HSPG2: variants seen among roughly 807,000 people sequenced by gnomAD.
HSPG2 encodes the protein basement membrane-specific heparan sulfate proteoglycan core protein.
A neutral mutation model predicts 526.6 loss-of-function variants in HSPG2; 278 were observed. The observed-to-expected ratio is 0.53, with a 90% CI of 0.48 to 0.58. HSPG2 has a LOEUF of 0.58. Among genes scored for constraint, HSPG2 ranks in the 20% least tolerant of loss-of-function variants. The probability of loss-of-function intolerance (pLI) is 0.00; values close to 1 mark genes in which losing one functional copy is unlikely to be tolerated. For missense variants in HSPG2, 5,354 were observed against 6,099.5 expected (o/e 0.88, Z 4.07); for synonymous variants, 2,465 against 2,555.4 (o/e 0.96, Z 1.07).
chr1:21,934,070 C>T (rs540859197), intron 1 of HSPG2, among the ~76,000 whole-genome samples: 1 of 152,222 alleles, frequency 6.6e-6, no homozygotes, highest in African/African-American at 2.4e-5. Context: ...CAAGGCCTGC[C>T]GAGTCACCCA....
In HSPG2 at chr1:21,850,376, C is replaced by T. The variant is rs760565542; in HGVS notation, c.7281G>A (p.Ala2427=). The T allele has an allele frequency of 1.4e-5, 22 of 1,608,300 alleles. No homozygotes were observed. Among genetic ancestry groups the T allele is most frequent in the South Asian group, 1.1e-4 (10 of 90,278 alleles). Residue 2427 remains alanine (A), a synonymous_variant, in exon 56 of 97, where the codon GCG becomes GCA. Transcript: ENST00000374695. ...EASVLVTIEP[A]GSVPALGVTP... is the part of the protein sequence containing the mutation. The stretch of plus-strand genomic sequence containing the variant: ...AGAGCTACTCACCAGGCACTGAGCC[C>T]GCAGGCTCAATGGTGACCAGGACAG...
chr1:21,833,061 T>TG, intron 80 of HSPG2: 1 of 634,398 alleles, frequency 1.6e-6, no homozygotes, highest in Non-Finnish European at 2.9e-6. Flanking sequence ...GCTGGAGATA[T>TG]CACAGAGGCA....
Position 21,847,331 on chromosome 1 carries a change from G to A in HSPG2, c.8164+23C>T, listed in dbSNP as rs368235058. 6.4e-5 allele frequency: 104 copies of A among 1,613,408 alleles called. No individual in the cohort carries two copies. Among genetic ancestry groups the A allele is most frequent in the East Asian group, 8.9e-5 (4 of 44,892 alleles). On this transcript the variant is annotated intron_variant, in intron 62 of 96. Coordinates refer to ENST00000374695, the MANE Select transcript of HSPG2 (RefSeq NM_005529.7). This position sits in a 1 kb window ranked among gnomAD's most constrained non-coding sequence, Gnocchi z 4.1. ...GGGAACACTGTTGCCTGCATCCCTC[G>A]TCCCTTTCCTAGGCAGACTCACCGG...
chr1:21,872,893 C>G lies in HSPG2; in HGVS notation c.3888+104G>C. ...CCTGCCCTGTCCCCCATGCCCTGCC[C>G]CCCATGCCCAGGTCTCGGCTTCCAC... On this transcript the variant is annotated intron_variant, in intron 31 of 96. Transcript: ENST00000374695. This position sits in a 1 kb window ranked among gnomAD's most constrained non-coding sequence, Gnocchi z 5.5. The G allele has an allele frequency of 6.5e-7, 1 of 1,535,788 alleles. No homozygotes were observed. Among genetic ancestry groups the G allele is most frequent in the Non-Finnish European group, 9.0e-7 (1 of 1,110,092 alleles).
chr1:21,872,083 C>T lies in HSPG2; in HGVS notation c.4221+103G>A, dbSNP rs371065630. 1.9e-5 allele frequency: 24 copies of T among 1,294,408 alleles called. No individual in the cohort carries two copies. The highest frequency in any genetic ancestry group is 4.6e-4 in the Middle Eastern group (2 of 4,382). The allele number at this position is 1,294,408 out of a possible 1,614,324, so 80.2% of individuals were successfully genotyped here. ...ACTGCAAAAGCCACGTGCCTAACCA[C>T]GATATGGCCATGCAGGTGGCAGGTG... On this transcript the variant is annotated intron_variant, in intron 33 of 96. Transcript: ENST00000374695. The surrounding 1 kb of genome is among the most constrained non-coding windows in gnomAD (Gnocchi z 5.5).
Position 21,895,830 on chromosome 1 carries a change from G to T in HSPG2, c.244+92C>A. The T allele has an allele frequency of 8.6e-7, 1 of 1,166,696 alleles. No individual in the cohort carries two copies. Among genetic ancestry groups the T allele is most frequent in the Non-Finnish European group, 1.3e-6 (1 of 776,098 alleles). The allele number at this position is 1,166,696 out of a possible 1,614,324, so 72.3% of individuals were successfully genotyped here. A position where few individuals can be genotyped will look rare whatever the true frequency, so the allele number is the denominator to read the frequency against. On this transcript the variant is annotated intron_variant, in intron 3 of 96. Coordinates refer to ENST00000374695, the MANE Select transcript of HSPG2 (RefSeq NM_005529.7). The surrounding 1 kb of genome is among the most constrained non-coding windows in gnomAD (Gnocchi z 4.1). ...ACTTCTTCTTGCTTTGTACCCCAGGGCAGGCCCAAGGAGCCCTCAGCCCAG... is the reference window on the plus strand; with the variant it reads ...ACTTCTTCTTGCTTTGTACCCCAGGTCAGGCCCAAGGAGCCCTCAGCCCAG...
At chr1:21,829,641 C>A (rs758823950) in intron 86 of HSPG2, 37 bp from the exon 87 acceptor site, 4 of 1,557,880 alleles carry the variant, frequency 2.6e-6, no homozygotes, top group South Asian at 1.1e-5. Context: ...CAGTGGGGAT[C>A]CTGGACCCTC....
In HSPG2 at chr1:21,842,167, G is replaced by C. The variant is rs542296833; in HGVS notation, c.9053-25C>G. On this transcript the variant is annotated intron_variant, in intron 68 of 96. Transcript: ENST00000374695. ...CCTGGGGCCAAAGGGGCAGAGGGCTGGGCTCAGCAGGGGTGGGCTTAGCTT... is the reference window on the plus strand; with the variant it reads ...CCTGGGGCCAAAGGGGCAGAGGGCTCGGCTCAGCAGGGGTGGGCTTAGCTT... 19 of 1,613,346 alleles carry C rather than the reference G, an allele frequency of 1.2e-5. No individual in the cohort carries two copies. The African/African-American group carries it at 2.5e-4, about 21-fold the overall frequency.
intron 1 of HSPG2, among the ~76,000 whole-genome samples, chr1:21,897,129 C>T (rs931989179): frequency 2.0e-5 from 3 of 152,196 alleles, no homozygotes; most frequent in Non-Finnish European, 2.9e-5. Context: ...AGTGCCTCTT[C>T]CCCCTAGACA....
chr1:21,893,719 G>T lies in HSPG2; in HGVS notation c.244+2203C>A, dbSNP rs992136122. Among the ~76,000 whole-genome samples the T allele has an allele frequency of 8.5e-5, 13 of 152,052 alleles. No individual in the cohort carries two copies. Among genetic ancestry groups the T allele is most frequent in the Admixed American group, 8.5e-4 (13 of 15,266 alleles). ...AAGGGACATTGACAGCGAGGGAGAC[G>T]AGATGGAGAGAAGCAGAGAGAGAGG... is the stretch of plus-strand genomic sequence containing the variant. On this transcript the variant is annotated intron_variant, in intron 3 of 96. Coordinates refer to ENST00000374695, the MANE Select transcript of HSPG2 (RefSeq NM_005529.7). The surrounding 1 kb of genome is among the most constrained non-coding windows in gnomAD (Gnocchi z 4.3).
chr1:21,830,840 A>G (rs1280487670), intron 85 of HSPG2, 142 bp downstream of exon 85: 1 of 652,828 alleles, frequency 1.5e-6, no homozygotes, highest in African/African-American at 1.8e-5. Context: ...GGGGATGGGT[A>G]CATGGGAGGA....
chr1:21,908,155 A>G (rs1643478765), intron 1 of HSPG2: 1 of 840,118 alleles, frequency 1.2e-6, no homozygotes, highest in Non-Finnish European at 2.1e-6. Context: ...CAGGCCTTTT[A>G]GAAAACATGG....
chr1:21,892,937 C>G (rs1292729868), intron 3 of HSPG2, among the ~76,000 whole-genome samples: 1 of 151,834 alleles, frequency 6.6e-6, no homozygotes, highest in Non-Finnish European at 1.5e-5. Context: ...GTGCAGCCAG[C>G]AGGGGCGAGG....
intron 1 of HSPG2, among the ~76,000 whole-genome samples, chr1:21,900,375 A>G (rs542566914): frequency 6.6e-6 from 1 of 152,116 alleles, no homozygotes; most frequent in Non-Finnish European, 1.5e-5. Flanking sequence ...GCATTCCTTG[A>G]ACACTGGCAG....
intron 6 of HSPG2, among the ~76,000 whole-genome samples, chr1:21,888,405 G>A (rs770166417): frequency 1.3e-5 from 2 of 152,252 alleles, no homozygotes; most frequent in African/African-American, 2.4e-5. Flanking sequence ...GTCTTGGGCT[G>A]TGCCCAGCCA....
chr1:21,875,146 G>C, intron 25 of HSPG2, 144 bp from the exon 26 acceptor site: 1 of 698,200 alleles, frequency 1.4e-6, no homozygotes, highest in East Asian at 2.7e-5. Flanking sequence ...TCCAGAGGCT[G>C]CGAGGACCGT....
At chr1:21,869,316 C>G (rs958098613) in intron 33 of HSPG2, 3 of 328,112 alleles carry the variant, frequency 9.1e-6, no homozygotes, top group African/African-American at 6.7e-5. Flanking sequence ...GAGTAACCAG[C>G]CTGAGTTGGT....
chr1:21,830,238 T>A, intron 85 of HSPG2, 147 bp from the exon 86 acceptor site: 3 of 685,734 alleles, frequency 4.4e-6, no homozygotes, highest in Non-Finnish European at 7.8e-6. Context: ...AGGAGGGAAC[T>A]GAGCAGAGCA....
intron 6 of HSPG2, among the ~76,000 whole-genome samples, chr1:21,889,625 C>T (rs1005263541): frequency 1.3e-5 from 2 of 150,748 alleles, no homozygotes; most frequent in Non-Finnish European, 2.9e-5. Flanking sequence ...GAAGACTGAC[C>T]CGGAGGCTGG....
Sources: gnomAD v4.1 joint callset for allele counts (sites outside exome capture counted in the v4.1 genomes callset) on GRCh38, gnomAD v4.1.1 for gene constraint, Gnocchi (gnomAD v3.1) non-coding constraint, MANE v1.5 for transcripts, NCBI Gene and HGNC (gene_info 2026-07-23, HGNC 2026-07-21) for gene names.